SEC23IP: variants seen among roughly 807,000 people sequenced by gnomAD.
SEC23IP encodes the protein SEC23-interacting protein.
SEC23IP carries 70 observed loss-of-function variants against 113.4 expected under a neutral mutation model. That is an observed-to-expected ratio of 0.62 (90% CI 0.51 to 0.75). The LOEUF (loss-of-function observed/expected upper bound fraction) is 0.75, where lower values mean the gene tolerates loss of function less well. SEC23IP is among the 30% of genes least tolerant of loss of function. The pLI is 0.00. For synonymous variants in SEC23IP, 398 were observed against 421.0 expected (o/e 0.95, Z 0.67); for missense variants, 1,160 against 1,204.9 (o/e 0.96, Z 0.55).
intron 1 of SEC23IP, among the ~76,000 whole-genome samples, chr10:119,893,589 G>A (rs1224858802): frequency 6.8e-6 from 1 of 146,234 alleles, no homozygotes; most frequent in Non-Finnish European, 1.5e-5. Flanking sequence ...GCGCGATCTC[G>A]GCTCACTGCA....
intron 13 of SEC23IP, among the ~76,000 whole-genome samples, chr10:119,927,767 G>T (rs58298634): frequency 7.1e-4 from 108 of 152,274 alleles, no homozygotes; most frequent in African/African-American, 2.5e-3. Context: ...AAACATGTAG[G>T]CAATTTCTAC....
At position 119,902,758 on chromosome 10, in the gene SEC23IP, T is replaced by C. The variant is rs569474655; in HGVS notation, c.697-41T>C. On this transcript the variant is annotated intron_variant, in intron 2 of 18. Coordinates refer to ENST00000369075, the MANE Select transcript of SEC23IP (RefSeq NM_007190.4). Reference sequence around the variant, plus strand: ...GGTGTGAAGCATATTCAGAATTCTTTTGGACAAGCATGACAGTCTTAACTT... The same window carrying C: ...GGTGTGAAGCATATTCAGAATTCTTCTGGACAAGCATGACAGTCTTAACTT... The C allele has an allele frequency of 2.0e-6, 3 of 1,536,308 alleles. No homozygotes were observed. In the South Asian group the frequency reaches 3.4e-5, roughly 17 times the overall value.
chr10:119,933,878 T>G, intron 18 of SEC23IP, 91 bp downstream of exon 18: 1 of 553,994 alleles, frequency 1.8e-6, no homozygotes, highest in East Asian at 3.1e-5. Context: ...TTTGCTTTTT[T>G]CTGTTTCCTC....
At chr10:119,906,678 C>T (rs528953831) in intron 4 of SEC23IP, among the ~76,000 whole-genome samples, 4 of 152,124 alleles carry the variant, frequency 2.6e-5, no homozygotes, top group South Asian at 4.2e-4. Context: ...TGGGTTCAAG[C>T]GATTCTCCTG....
rs751043085 is a variant in SEC23IP at position 119,920,923 on chromosome 10, G to C, written c.2060G>C (p.Gly687Ala). 5.6e-6 allele frequency: 9 copies of C among 1,613,662 alleles called. No homozygotes were observed. Among genetic ancestry groups the C allele is most frequent in the Non-Finnish European group, 6.8e-6 (8 of 1,179,690 alleles). Residue 687 changes from glycine to alanine, a missense_variant, in exon 12 of 19, where the codon GGG becomes GCG. Coordinates refer to ENST00000369075, the MANE Select transcript of SEC23IP (RefSeq NM_007190.4). Reference sequence around the variant, plus strand: ...ACAGTTGATGACCTGAAGGAAATGGGGATACCCCTTGGACCCAGAAAGAAG... The same window carrying C: ...ACAGTTGATGACCTGAAGGAAATGGCGATACCCCTTGGACCCAGAAAGAAG... ...MCTVDDLKEM[G>A]IPLGPRKKIA... is the part of the protein sequence containing the mutation.
At chr10:119,922,391 A>G (rs1017516814) in intron 12 of SEC23IP, among the ~76,000 whole-genome samples, 2 of 152,210 alleles carry the variant, frequency 1.3e-5, no homozygotes, top group East Asian at 3.8e-4. Context: ...TGGTTTTCAA[A>G]CATGTTCTTA....
chr10:119,917,741 G>C (rs748015900), intron 8 of SEC23IP, 95 bp from the exon 9 acceptor site: 54 of 826,640 alleles, frequency 6.5e-5, no homozygotes, highest in Non-Finnish European at 1.0e-4. Flanking sequence ...GGTTTTCTTA[G>C]TGTATTTTCA....
At chr10:119,913,482 C>T (rs1289312041) in intron 6 of SEC23IP, among the ~76,000 whole-genome samples, 2 of 151,576 alleles carry the variant, frequency 1.3e-5, no homozygotes, top group African/African-American at 2.4e-5. Context: ...TGAGCATATC[C>T]GTTTTCCATA....
Position 119,892,903 on chromosome 10 carries a change from A to G in SEC23IP, c.121A>G (p.Thr41Ala). ...CTTCAATGTGCCCTTCATCCCAGTCACCCAGGCCTCCGCTTCTCCGGCCTC... is the reference window on the plus strand; with the variant it reads ...CTTCAATGTGCCCTTCATCCCAGTCGCCCAGGCCTCCGCTTCTCCGGCCTC... ...FSFNVPFIPVTQASASPASLL... is the reference protein window; with the variant it reads ...FSFNVPFIPVAQASASPASLL... The change falls in exon 1 of 19, where the codon ACC (threonine) becomes GCC (alanine). Residue 41 changes from threonine to alanine, a missense_variant. By Grantham distance (58) the Thr-to-Ala change is moderately conservative. Transcript: ENST00000369075. 6.2e-7 allele frequency: 1 copy of G among 1,612,676 alleles called. No individual in the cohort carries two copies. Among genetic ancestry groups the G allele is most frequent in the Non-Finnish European group, 8.5e-7 (1 of 1,179,458 alleles).
intron 4 of SEC23IP, among the ~76,000 whole-genome samples, chr10:119,906,963 GA>G (rs1564909500): frequency 6.6e-6 from 1 of 151,280 alleles, no homozygotes; most frequent in African/African-American, 2.4e-5. Flanking sequence ...AATTATATTT[GA>G]AGTTTTTTTT....
chr10:119,917,806 T>G (rs778710753), intron 8 of SEC23IP, 30 bp from the exon 9 acceptor site: 15 of 1,549,680 alleles, frequency 9.7e-6, no homozygotes, highest in Non-Finnish European at 1.3e-5. Context: ...AGATGCTGAC[T>G]GAATGTGCTG....
Position 119,925,971 on chromosome 10 carries a change from T to C in SEC23IP, c.2122-65T>C, listed in dbSNP as rs1855405982. On this transcript the variant is annotated intron_variant, in intron 12 of 18. Transcript: ENST00000369075. ...TCCTTAATACTGAGATAGCATGTTT[T>C]GTAATGATAGCTGAGAGCTGAACTT... The C allele has an allele frequency of 2.3e-6, 3 of 1,329,624 alleles. No homozygotes were observed. The Admixed American group carries it at 7.2e-5, about 32-fold the overall frequency. The allele number at this position is 1,329,624 out of a possible 1,614,324, so 82.4% of individuals were successfully genotyped here. A position where few individuals can be genotyped will look rare whatever the true frequency, so the allele number is the denominator to read the frequency against.
chr10:119,914,472 C>T, intron 6 of SEC23IP: 1 of 443,590 alleles, frequency 2.3e-6, no homozygotes, highest in Non-Finnish European at 4.1e-6. Flanking sequence ...TACAAACCTG[C>T]TGCTCATCAT....
chr10:119,918,243 A>T, intron 9 of SEC23IP, 150 bp from the exon 10 acceptor site: 1 of 673,074 alleles, frequency 1.5e-6, no homozygotes. Flanking sequence ...TATGTATTTT[A>T]CTTTATTCTG....
In SEC23IP at chr10:119,904,531, A is replaced by G. The variant is rs570030980; in HGVS notation, c.1101+254A>G. ...ATAAGGTGCTTGTGTCAAGCCTTCA[A>G]TAGAACCTAGGCCGCTGGGATTTGT... On this transcript the variant is annotated intron_variant, in intron 4 of 18. Transcript: ENST00000369075. The G allele has an allele frequency of 6.2e-5, 25 of 402,010 alleles. 1 individual carries two copies. Among genetic ancestry groups the G allele is most frequent in the South Asian group, 5.3e-4 (15 of 28,158 alleles). 24.9% of individuals were successfully genotyped at this position (402,010 alleles called of 1,614,324 possible). A position where few individuals can be genotyped will look rare whatever the true frequency, so the allele number is the denominator to read the frequency against.
intron 10 of SEC23IP, 60 bp from the exon 11 acceptor site, chr10:119,919,384 C>G (rs2475300): frequency 0.68 from 963,248 of 1,413,302 alleles, 330,620 homozygotes; most frequent in East Asian, 0.83. Flanking sequence ...CGTAGATCAG[C>G]AGTCATTATA....
Position 119,926,060 on chromosome 10 carries a change from G to A in SEC23IP, c.2146G>A (p.Ala716Thr), listed in dbSNP as rs1371471965. Residue 716 changes from alanine to threonine, a missense_variant, in exon 13 of 19, where the codon GCA (alanine) becomes ACA (threonine). Ala to Thr is a moderately conservative substitution (Grantham distance 58). Coordinates refer to ENST00000369075, the MANE Select transcript of SEC23IP (RefSeq NM_007190.4). ...KLKKAASEKK[A>T]VAATSTKGQE... ...GAAAAAAGCAGCGTCAGAAAAGAAG[G>A]CAGTGGCGGCCACTTCTACAAAAGG... The A allele has an allele frequency of 1.2e-6, 2 of 1,612,940 alleles. No individual in the cohort carries two copies. The highest frequency in any genetic ancestry group is 1.7e-6 in the Non-Finnish European group (2 of 1,179,656).
Position 119,921,797 on chromosome 10 carries a change from G to A in SEC23IP, c.2121+813G>A, listed in dbSNP as rs115186445. Among the ~76,000 whole-genome samples, 219 of 152,190 alleles carry A rather than the reference G, an allele frequency of 1.4e-3. 1 individual carries two copies. The highest frequency in any genetic ancestry group is 4.9e-3 in the African/African-American group (202 of 41,516). On this transcript the variant is annotated intron_variant, in intron 12 of 18. Coordinates refer to ENST00000369075, the MANE Select transcript of SEC23IP (RefSeq NM_007190.4). ...AAATTAGATGACTCTTAGGGTGGCCGTCTTATTTGTATTGTTATTAACATG... is the reference window on the plus strand; with the variant it reads ...AAATTAGATGACTCTTAGGGTGGCCATCTTATTTGTATTGTTATTAACATG...
chr10:119,898,990 T>G, intron 2 of SEC23IP, 31 bp downstream of exon 2: 1 of 1,488,176 alleles, frequency 6.7e-7, no homozygotes, highest in Non-Finnish European at 9.0e-7. Flanking sequence ...GTCCTACTTA[T>G]TCACTCTGTG....
Sources: allele counts gnomAD v4.1 joint callset (sites outside exome capture counted in the v4.1 genomes callset), GRCh38; gene constraint gnomAD v4.1.1; transcripts MANE v1.5; gene names NCBI Gene and HGNC (gene_info 2026-07-23, HGNC 2026-07-21).